The following CNTNAP2 variants were observed in gnomAD, a reference collection of about 807,000 sequenced individuals.
The protein encoded by CNTNAP2 is contactin associated protein 2, also known as contactin-associated protein-like 2.
In CNTNAP2, 98 loss-of-function variants were observed where a neutral mutation model predicts 155.2. That is an observed-to-expected ratio of 0.63 (90% confidence interval 0.54 to 0.75). The LOEUF (loss-of-function observed/expected upper bound fraction) is 0.75, where lower values mean the gene tolerates loss of function less well. Ranked by LOEUF, CNTNAP2 falls within the 30% of genes least tolerant of loss-of-function variation. The pLI is 0.00. For synonymous variants in CNTNAP2, 651 were observed against 631.2 expected, an observed-to-expected ratio of 1.03 and a Z score of -0.47; for missense variants, 1,727 against 1,688.1, an observed-to-expected ratio of 1.02 and a Z score of -0.40.
chr7:147,315,385 A>T (rs1484268511), intron 9 of CNTNAP2, among the ~76,000 whole-genome samples: 1 of 149,214 alleles, frequency 6.7e-6, no homozygotes, highest in Non-Finnish European at 1.5e-5. Flanking sequence ...ATTAGAAATC[A>T]CTCTGAATTC....
At chr7:148,072,096 A>G (rs148830390) in intron 15 of CNTNAP2, among the ~76,000 whole-genome samples, 10 of 152,214 alleles carry the variant, frequency 6.6e-5, no homozygotes, top group Non-Finnish European at 1.3e-4. Context: ...ATACTTATTT[A>G]TTGTCACAGC....
At chr7:148,026,391 C>T (rs374282274) in intron 15 of CNTNAP2, among the ~76,000 whole-genome samples, 2 of 152,078 alleles carry the variant, frequency 1.3e-5, no homozygotes, top group Non-Finnish European at 1.5e-5. Flanking sequence ...GTCAAGGCTG[C>T]GGTGAGCCAT....
intron 19 of CNTNAP2, among the ~76,000 whole-genome samples, chr7:148,227,668 A>G (rs1026447158): frequency 1.3e-5 from 2 of 152,220 alleles, no homozygotes; most frequent in Middle Eastern, 3.2e-3. Flanking sequence ...GGAGACGAAA[A>G]TCCAATCCAC....
rs147492758 is a variant in CNTNAP2 at position 146,837,226 on chromosome 7, T to C, written c.209-2485T>C. On this transcript the variant is annotated intron_variant, in intron 2 of 23. Coordinates refer to ENST00000361727, the MANE Select transcript of CNTNAP2 (RefSeq NM_014141.6). ...GGGCAGTTATCAATGTCTCACAACT[T>C]ACTGGAATAACTGTTTATTTTTTAA... is the stretch of plus-strand genomic sequence containing the variant. 3.0e-4 allele frequency among the ~76,000 whole-genome samples: 46 copies of C among 152,192 alleles called. 1 individual carries two copies. The East Asian group carries it at 8.2e-3, about 27-fold the overall frequency.
At chr7:146,781,628 G>A (rs1303618243) in intron 2 of CNTNAP2, among the ~76,000 whole-genome samples, 1 of 152,174 alleles carries the variant, frequency 6.6e-6, no homozygotes, top group Non-Finnish European at 1.5e-5. Flanking sequence ...CTCCCAGGCA[G>A]TTCAGCAAAC....
intron 14 of CNTNAP2, among the ~76,000 whole-genome samples, chr7:147,913,133 C>CAAA (rs1800096629): frequency 6.6e-6 from 1 of 152,140 alleles, no homozygotes; most frequent in Non-Finnish European, 1.5e-5. Flanking sequence ...AAAGCCAAGA[C>CAAA]AAAAATGTAA....
intron 1 of CNTNAP2, among the ~76,000 whole-genome samples, chr7:146,506,166 G>C (rs1281863855): frequency 6.6e-6 from 1 of 152,170 alleles, no homozygotes; most frequent in Non-Finnish European, 1.5e-5. Context: ...TGGCCATCCT[G>C]CAAGGGTAGG....
chr7:147,516,252 CAT>C (rs1205606766), intron 11 of CNTNAP2, among the ~76,000 whole-genome samples: 7 of 152,174 alleles, frequency 4.6e-5, no homozygotes, highest in East Asian at 1.9e-4. Flanking sequence ...TACAGCTACT[CAT>C]GTGTAGAACA....
At chr7:147,483,356 A>G (rs1029545552) in intron 10 of CNTNAP2, among the ~76,000 whole-genome samples, 1 of 151,988 alleles carries the variant, frequency 6.6e-6, no homozygotes, top group African/African-American at 2.4e-5. Context: ...TTGGGTATCT[A>G]TGGGGTGGGT....
At chr7:147,567,035 C>T (rs1240276822) in intron 12 of CNTNAP2, among the ~76,000 whole-genome samples, 1 of 152,022 alleles carries the variant, frequency 6.6e-6, no homozygotes, top group Non-Finnish European at 1.5e-5. Flanking sequence ...GTGGTGGTGC[C>T]ACAGACGTAT....
At chr7:146,623,227 G>T (rs1055943491) in intron 1 of CNTNAP2, among the ~76,000 whole-genome samples, 2 of 152,034 alleles carry the variant, frequency 1.3e-5, no homozygotes, top group South Asian at 2.1e-4. Context: ...TTTTCATATG[G>T]TTAGATTATT....
chr7:146,260,660 T>C (rs891529290), intron 1 of CNTNAP2, among the ~76,000 whole-genome samples: 2 of 152,220 alleles, frequency 1.3e-5, no homozygotes, highest in Admixed American at 1.3e-4. Context: ...TTTCTCCGTT[T>C]TGGAATGAGA....
chr7:148,041,130 C>A (rs541828366), intron 15 of CNTNAP2, among the ~76,000 whole-genome samples: 1 of 152,202 alleles, frequency 6.6e-6, no homozygotes, highest in African/African-American at 2.4e-5. Flanking sequence ...ATTGACACTA[C>A]TGTGATTATT....
rs1563059239 is a variant in CNTNAP2, at chr7:148,365,777, T to TATGTGTATGCATGTATACATGC, written c.3476-17806_3476-17785dup. Among the ~76,000 whole-genome samples, 3 of 91,124 alleles carry TATGTGTATGCATGTATACATGC rather than the reference T, an allele frequency of 3.3e-5. 1 individual carries two copies. The highest frequency in any genetic ancestry group is 1.4e-4 in the African/African-American group (3 of 21,968). 59.8% of individuals were successfully genotyped at this position (91,124 alleles called of 152,430 possible). A position where few individuals can be genotyped will look rare whatever the true frequency, so the allele number is the denominator to read the frequency against. On this transcript the variant is annotated intron_variant, in intron 21 of 23. Coordinates refer to ENST00000361727, the MANE Select transcript of CNTNAP2 (RefSeq NM_014141.6). ...ATGTATGTGTATACGTGTATACATG[T>TATGTGTATGCATGTATACATGC]ATGTGTATGCATGTATACATGCATG...
intron 15 of CNTNAP2, among the ~76,000 whole-genome samples, chr7:148,099,955 C>A (rs940828368): frequency 1.4e-5 from 2 of 147,956 alleles, no homozygotes; most frequent in Non-Finnish European, 3.0e-5. Flanking sequence ...TCACTGCAAC[C>A]TCTGCCTCCT....
intron 2 of CNTNAP2, among the ~76,000 whole-genome samples, chr7:146,792,853 G>T (rs1035467015): frequency 6.6e-6 from 1 of 151,866 alleles, no homozygotes; most frequent in Non-Finnish European, 1.5e-5. Context: ...TTTTTTGAAG[G>T]GGCATCAATA....
intron 1 of CNTNAP2, among the ~76,000 whole-genome samples, chr7:146,117,736 G>A (rs1409339902): frequency 6.6e-6 from 1 of 151,958 alleles, no homozygotes; most frequent in Non-Finnish European, 1.5e-5. Flanking sequence ...GACTGCCCCT[G>A]TTTTCATGAG....
chr7:146,776,707 T>C (rs1350285883), intron 2 of CNTNAP2, among the ~76,000 whole-genome samples: 1 of 152,174 alleles, frequency 6.6e-6, no homozygotes, highest in Non-Finnish European at 1.5e-5. Flanking sequence ...TAACATCTTT[T>C]ACAAGAAAAA....
intron 1 of CNTNAP2, among the ~76,000 whole-genome samples, chr7:146,402,379 A>T (rs1795726964): frequency 6.6e-6 from 1 of 152,104 alleles, no homozygotes; most frequent in South Asian, 2.1e-4. Context: ...GATCAGAGAC[A>T]ATCTCTCCTG....
Sources: gnomAD v4.1 joint callset for allele counts (sites outside exome capture counted in the v4.1 genomes callset) on GRCh38, gnomAD v4.1.1 for gene constraint, MANE v1.5 for transcripts, NCBI Gene and HGNC (gene_info 2026-07-23, HGNC 2026-07-21) for gene names.